Variants in STPG2 observed in about 807,000 individuals in gnomAD.
STPG2 encodes sperm-tail PG-rich repeat-containing protein 2.
STPG2 carries 56 observed loss-of-function variants against 54.2 expected under a neutral mutation model. The ratio of observed to expected loss-of-function variants is 1.03; its 90% confidence interval spans 0.83 to 1.29. STPG2 has a LOEUF of 1.29. Ranked by LOEUF, STPG2 falls within the 50% of genes most tolerant of loss-of-function variation. The pLI is 0.00. For missense variants in STPG2, 596 were observed against 544.9 expected (o/e 1.09, Z -0.93); for synonymous variants, 200 against 181.8 (o/e 1.10, Z -0.81).
chr4:97,795,808 T>A (rs1727154075), intron 9 of STPG2, among the ~76,000 whole-genome samples: 1 of 152,172 alleles, frequency 6.6e-6, no homozygotes, highest in Non-Finnish European at 1.5e-5. Context: ...TAGTTTACAG[T>A]GCCACCAACA....
At chr4:98,120,963 T>C (rs28788638) in intron 3 of STPG2, among the ~76,000 whole-genome samples, 59,505 of 152,150 alleles carry the variant, frequency 0.39, 11,876 homozygotes, top group Middle Eastern at 0.45. Context: ...ATTTCTGTCA[T>C]GAAATTTTTG....
chr4:97,935,153 A>G (rs1319378420), intron 8 of STPG2, among the ~76,000 whole-genome samples: 3 of 152,124 alleles, frequency 2.0e-5, no homozygotes, highest in Non-Finnish European at 4.4e-5. Context: ...AGAGGTGTTT[A>G]TAGTATTATC....
intron 8 of STPG2, among the ~76,000 whole-genome samples, chr4:97,863,123 A>G (rs1307478553): frequency 2.0e-5 from 3 of 151,188 alleles, no homozygotes; most frequent in Non-Finnish European, 4.5e-5. Context: ...AGATAGAGAC[A>G]CAAAAAACCC....
chr4:98,048,548 C>A, intron 5 of STPG2: 1 of 184,658 alleles, frequency 5.4e-6, no homozygotes, highest in East Asian at 1.2e-4. Flanking sequence ...TGCTTTCTGG[C>A]TCTACCATGC....
intron 5 of STPG2, among the ~76,000 whole-genome samples, chr4:98,002,140 A>AGCAGCAGG: frequency 6.6e-6 from 1 of 152,044 alleles, no homozygotes; most frequent in Non-Finnish European, 1.5e-5. Context: ...GTTTATAAGT[A>AGCAGCAGG]GTAGCAGGGT....
intron 4 of STPG2, among the ~76,000 whole-genome samples, chr4:97,442,853 GT>G (rs1729124822): frequency 6.6e-6 from 1 of 152,150 alleles, no homozygotes; most frequent in Admixed American, 6.6e-5. Context: ...TTAAAAGGGT[GT>G]GTGCTTTTTA....
chr4:97,589,894 C>T (rs1029777903), intron 10 of STPG2, among the ~76,000 whole-genome samples: 2 of 152,114 alleles, frequency 1.3e-5, no homozygotes, highest in East Asian at 3.8e-4. Flanking sequence ...AGATGTTATC[C>T]AAGTTTGTAG....
intron 7 of STPG2, among the ~76,000 whole-genome samples, chr4:97,950,999 T>C (rs1232168518): frequency 2.6e-5 from 4 of 152,166 alleles, no homozygotes; most frequent in African/African-American, 9.6e-5. Context: ...GTGTTTGAGA[T>C]ATTTACAGAC....
rs941927337 is a variant in STPG2 at position 97,789,678 on chromosome 4, AGACT to A, written c.1204+51091_1204+51094del. On this transcript the variant is annotated intron_variant, in intron 9 of 10. Coordinates refer to ENST00000295268, the MANE Select transcript of STPG2 (RefSeq NM_174952.3). ...AAACTAAAATTAAGTCTCAGTTTTAAGACTGACTGAATGAAAACTTTTACAAACA... is the reference window on the plus strand; with the variant it reads ...AAACTAAAATTAAGTCTCAGTTTTAAGACTGAATGAAAACTTTTACAAACA... Among the ~76,000 whole-genome samples the A allele has an allele frequency of 1.1e-4, 16 of 152,334 alleles. No individual in the cohort carries two copies. In the South Asian group the frequency reaches 2.3e-3, roughly 22 times the overall value.
At chr4:98,019,877 G>A (rs1736114081) in intron 5 of STPG2, among the ~76,000 whole-genome samples, 1 of 120,296 alleles carries the variant, frequency 8.3e-6, no homozygotes, top group South Asian at 3.0e-4. Flanking sequence ...TGTATCCTGA[G>A]ACTTTGCTGA....
At chr4:98,025,695 T>C in intron 5 of STPG2, 2 of 1,286,410 alleles carry the variant, frequency 1.6e-6, no homozygotes, top group Non-Finnish European at 2.2e-6. Flanking sequence ...ACTGGCCTCC[T>C]GCTGGCCTGC....
At chr4:97,480,390 T>G (rs72885598) in intron 4 of STPG2, among the ~76,000 whole-genome samples, 10 of 151,480 alleles carry the variant, frequency 6.6e-5, no homozygotes, top group African/African-American at 2.2e-4. Context: ...AGACGTGTAA[T>G]AGAAAATAAT....
chr4:97,911,251 GT>G (rs549293661), intron 8 of STPG2, among the ~76,000 whole-genome samples: 88 of 152,356 alleles, frequency 5.8e-4, no homozygotes, highest in Non-Finnish European at 1.0e-3. Context: ...AAACACAGGA[GT>G]TTTTGCATAC....
At chr4:98,031,617 G>A (rs13104347) in intron 5 of STPG2, among the ~76,000 whole-genome samples, 59,667 of 151,578 alleles carry the variant, frequency 0.39, 11,917 homozygotes, top group Middle Eastern at 0.46. Context: ...ACCGGAAGGC[G>A]GAGGTTGCAG....
chr4:97,621,736 CA>C (rs1291378857), intron 10 of STPG2, among the ~76,000 whole-genome samples: 1 of 151,954 alleles, frequency 6.6e-6, no homozygotes, highest in East Asian at 1.9e-4. Context: ...AAAACAATGC[CA>C]AAAATTTAAG....
At chr4:97,752,815 A>C (rs1199172321) in intron 9 of STPG2, among the ~76,000 whole-genome samples, 1 of 151,802 alleles carries the variant, frequency 6.6e-6, no homozygotes, top group African/African-American at 2.4e-5. Context: ...GGCTCTATTC[A>C]GATTCTACAT....
At chr4:97,740,537 C>T (rs909423347) in intron 9 of STPG2, among the ~76,000 whole-genome samples, 1 of 151,944 alleles carries the variant, frequency 6.6e-6, no homozygotes, top group African/African-American at 2.4e-5. Context: ...AATCAATGTA[C>T]AAAAATCACA....
At chr4:98,097,014 T>C (rs895995579) in intron 5 of STPG2, among the ~76,000 whole-genome samples, 1 of 152,182 alleles carries the variant, frequency 6.6e-6, no homozygotes, top group African/African-American at 2.4e-5. Context: ...TGGGACGTGA[T>C]GGCTTCACTG....
At chr4:97,881,786 A>T (rs753968007) in intron 8 of STPG2, among the ~76,000 whole-genome samples, 16 of 152,142 alleles carry the variant, frequency 1.1e-4, no homozygotes, top group Non-Finnish European at 2.1e-4. Context: ...CATAAAGATT[A>T]TTGAAACAAT....
Sources: gnomAD v4.1 joint callset for allele counts (sites outside exome capture counted in the v4.1 genomes callset) on GRCh38, gnomAD v4.1.1 for gene constraint, MANE v1.5 for transcripts, NCBI Gene and HGNC (gene_info 2026-07-23, HGNC 2026-07-21) for gene names.